Variants in PAK6 observed in about 807,000 individuals in gnomAD.
PAK6 encodes the protein p21 (RAC1) activated kinase 6.
A neutral mutation model predicts 60.8 loss-of-function variants in PAK6; 33 were observed. The ratio of observed to expected loss-of-function variants is 0.54; its 90% CI spans 0.41 to 0.73. The LOEUF is 0.73. Among genes scored for constraint, PAK6 ranks in the 30% least tolerant of loss-of-function variants. PAK6 has a pLI of 0.00. For missense variants in PAK6, 845 were observed against 904.1 expected (o/e 0.93, Z 0.84); for synonymous variants, 404 against 378.5 (o/e 1.07, Z -0.78).
chr15:40,248,654 C>T (rs1223216866), intron 2 of PAK6, among the ~76,000 whole-genome samples: 1 of 152,216 alleles, frequency 6.6e-6, no homozygotes, highest in East Asian at 1.9e-4. Context: ...ACCTGAGGGC[C>T]CCTCTGCCCC....
intron 7 of PAK6, 80 bp from the exon 8 acceptor site, chr15:40,273,266 A>T (rs2039359958): frequency 6.6e-7 from 1 of 1,508,456 alleles, no homozygotes; most frequent in South Asian, 1.2e-5. Context: ...AGCACCAGGG[A>T]CTCCTACTCT....
chr15:40,269,460 T>C (rs2140987084), intron 5 of PAK6, among the ~76,000 whole-genome samples: 1 of 152,358 alleles, frequency 6.6e-6, no homozygotes, highest in African/African-American at 2.4e-5. Flanking sequence ...GCATGACTCT[T>C]CTAGTGGCTT....
rs1463328748 is a variant in PAK6, at chr15:40,266,173, C to T, written c.536C>T (p.Ser179Phe). ...AATGGGCTGGCTGCAAAGGCACAGT[C>T]CCTGGGCCCCGCCGAGTTTCAGGGT... Residue 179 changes from serine to phenylalanine, a missense_variant, in exon 5 of 11, where the codon TCC (serine) becomes TTC (phenylalanine). Coordinates refer to ENST00000560346, the Ensembl canonical transcript of PAK6. 6.2e-7 allele frequency: 1 copy of T among 1,608,958 alleles called. No individual in the cohort carries two copies. The highest frequency in any genetic ancestry group is 8.5e-7 in the Non-Finnish European group (1 of 1,179,786).
intron 5 of PAK6, among the ~76,000 whole-genome samples, chr15:40,268,224 C>CA (rs2039200503): frequency 6.6e-6 from 1 of 152,178 alleles, no homozygotes; most frequent in Non-Finnish European, 1.5e-5. Context: ...CCAAGCCTCT[C>CA]AATGGCAAGC....
chr15:40,272,520 G>C, exon 6 of PAK6: 1 of 1,613,844 alleles, frequency 6.2e-7, no homozygotes, highest in South Asian at 1.1e-5. Context: ...CAGGTGTTGT[G>C]ACACATGAGC....
Position 40,248,315 on chromosome 15 carries a change from A to G in PAK6, c.-117-4863A>G, listed in dbSNP as rs117107383. ...GGGTGGTCCCATCAGGGTGAGGAGCAGGAAGAAGCAGGTGCTGGACAGCCT... is the reference window on the plus strand; with the variant it reads ...GGGTGGTCCCATCAGGGTGAGGAGCGGGAAGAAGCAGGTGCTGGACAGCCT... On this transcript the variant is annotated intron_variant, in intron 2 of 10. Transcript: ENST00000560346. Among the ~76,000 whole-genome samples, 19 of 152,336 alleles carry G rather than the reference A, an allele frequency of 1.2e-4. No individual in the cohort carries two copies. The East Asian group carries it at 3.7e-3, about 29-fold the overall frequency.
intron 2 of PAK6, among the ~76,000 whole-genome samples, chr15:40,249,756 G>C (rs1276345637): frequency 6.6e-6 from 1 of 152,258 alleles, no homozygotes; most frequent in African/African-American, 2.4e-5. Context: ...TTGGCACTCA[G>C]ATGTTACAAC....
intron 2 of PAK6, among the ~76,000 whole-genome samples, chr15:40,243,286 C>T (rs1041583551): frequency 2.0e-5 from 3 of 152,084 alleles, no homozygotes; most frequent in East Asian, 1.9e-4. Context: ...TAGACCAGGG[C>T]GGGAAGAGGC....
intron 5 of PAK6, among the ~76,000 whole-genome samples, chr15:40,270,786 G>A (rs3784396): frequency 0.12 from 17,688 of 152,286 alleles, 1,076 homozygotes; most frequent in South Asian, 0.15. Flanking sequence ...AGGCAGGTGT[G>A]GGGGTGGCAG....
chr15:40,266,283 G>A (rs2039132753), exon 5 of PAK6: 1 of 1,611,590 alleles, frequency 6.2e-7, no homozygotes. Context: ...CAATAGGCAT[G>A]GAATGAAGGC....
chr15:40,263,100 G>GCTGTCCAGGGTCCCTGC, intron 3 of PAK6, among the ~76,000 whole-genome samples: 1 of 152,296 alleles, frequency 6.6e-6, no homozygotes, highest in South Asian at 2.1e-4. Context: ...GGAACCACTG[G>GCTGTCCAGGGTCCCTGC]CTGTCCAGGG....
intron 3 of PAK6, 96 bp from the exon 4 acceptor site, chr15:40,264,685 G>GGGGGA (rs2039071704): frequency 3.0e-6 from 3 of 986,424 alleles, no homozygotes; most frequent in African/African-American, 1.6e-5. Context: ...GAGCTGTGCT[G>GGGGGA]GGGGAGGGGA....
chr15:40,254,054 C>T (rs985517357), intron 3 of PAK6, among the ~76,000 whole-genome samples: 1 of 152,174 alleles, frequency 6.6e-6, no homozygotes, highest in African/African-American at 2.4e-5. Flanking sequence ...GCCATGAATT[C>T]TCCTCCATAG....
chr15:40,249,700 C>G (rs1469981660), intron 2 of PAK6, among the ~76,000 whole-genome samples: 1 of 152,260 alleles, frequency 6.6e-6, no homozygotes, highest in Non-Finnish European at 1.5e-5. Context: ...CAAGCTGATC[C>G]CTATCTTTCC....
At chr15:40,275,280 G>GTTTTTTTTTTTTTTGTT (rs1555389202) in intron 10 of PAK6, among the ~76,000 whole-genome samples, 659 of 56,406 alleles carry the variant, frequency 0.012, 135 homozygotes, top group Non-Finnish European at 0.017. Context: ...GTTGTTGTTG[G>GTTTTTTTTTTTTTTGTT]TTTTTTTTTT....
chr15:40,263,619 ATTGT>A (rs1380616414), intron 3 of PAK6, among the ~76,000 whole-genome samples: 1 of 151,922 alleles, frequency 6.6e-6, no homozygotes, highest in Non-Finnish European at 1.5e-5. Flanking sequence ...TAAGTGTTTT[ATTGT>A]TTGTTTTTTG....
Position 40,276,417 on chromosome 15 carries a change from T to C in PAK6, c.*323T>C, listed in dbSNP as rs1342911254. The C allele has an allele frequency of 3.8e-5, 11 of 288,924 alleles. No homozygotes were observed. In the East Asian group the frequency reaches 7.0e-4, roughly 18 times the overall value. 17.9% of individuals were successfully genotyped at this position (288,924 alleles called of 1,614,324 possible). On this transcript the variant is annotated 3_prime_UTR_variant, in exon 11 of 11. Transcript: ENST00000560346. ...CACAGTAGAAAAGGCTGCTGTGGTT[T>C]TTTAAAGGCAGTTGTCCACTAGTGT...
intron 3 of PAK6, among the ~76,000 whole-genome samples, chr15:40,258,089 T>C (rs1187627225): frequency 6.6e-6 from 1 of 152,134 alleles, no homozygotes; most frequent in African/African-American, 2.4e-5. Flanking sequence ...CTTGGAAACA[T>C]TTTACTCACC....
intron 3 of PAK6, among the ~76,000 whole-genome samples, chr15:40,260,757 C>A (rs905478826): frequency 1.3e-5 from 2 of 152,082 alleles, no homozygotes; most frequent in African/African-American, 4.8e-5. Flanking sequence ...CAGTATTGAA[C>A]CTTCTCATCT....
Sources: gnomAD v4.1 joint callset for allele counts (sites outside exome capture counted in the v4.1 genomes callset) on GRCh38, gnomAD v4.1.1 for gene constraint, MANE v1.5 for transcripts, NCBI Gene and HGNC (gene_info 2026-07-23, HGNC 2026-07-21) for gene names.